The following TENM1 variants were observed in gnomAD, a reference collection of about 807,000 sequenced individuals.
TENM1 encodes teneurin transmembrane protein 1.
Under a neutral mutation model 174.8 loss-of-function variants are expected in TENM1, and 35 were observed. The observed-to-expected ratio is 0.20, with a 90% confidence interval of 0.15 to 0.27. The LOEUF (loss-of-function observed/expected upper bound fraction) is 0.27, where lower values mean the gene tolerates loss of function less well. Ranked by LOEUF, TENM1 falls within the 10% of genes least tolerant of loss-of-function variation. The pLI is 1.00. For synonymous variants in TENM1, 781 were observed against 798.7 expected (o/e 0.98, Z 0.37); for missense variants, 1,633 against 2,130.1 (o/e 0.77, Z 4.59).
chrX:125,180,984 G>A, the TENM1 span, among the ~76,000 whole-genome samples: 4 of 111,541 alleles, frequency 3.6e-5, no homozygotes, highest in Non-Finnish European at 7.5e-5. Context: ...CCTCCTCCAC[G>A]AAGCGTTTCC....
At chrX:124,573,338 T>C (rs772575407) in intron 11 of TENM1, among the ~76,000 whole-genome samples, 15 of 111,811 alleles carry the variant, frequency 1.3e-4, no homozygotes, top group Non-Finnish European at 2.4e-4. Context: ...TGACAATGAA[T>C]AGACTGAGGA....
intron 3 of TENM1, among the ~76,000 whole-genome samples, chrX:124,760,168 A>G (rs974332131): frequency 4.5e-5 from 5 of 111,621 alleles, no homozygotes; most frequent in African/African-American, 1.6e-4. Flanking sequence ...TGTGAAGTGG[A>G]GGGCCTGTTA....
chrX:124,513,340 C>G (rs186191697), intron 18 of TENM1, among the ~76,000 whole-genome samples: 186 of 111,490 alleles, frequency 1.7e-3, no homozygotes, highest in African/African-American at 5.7e-3. Context: ...TAACTCTGAC[C>G]TCCCCTTCCA....
intron 3 of TENM1, among the ~76,000 whole-genome samples, chrX:124,823,696 A>C (rs1206348465): frequency 1.8e-5 from 2 of 111,075 alleles, no homozygotes; most frequent in Non-Finnish European, 3.8e-5. Context: ...TAGGTTTCAC[A>C]CACAAATTTA....
intron 3 of TENM1, among the ~76,000 whole-genome samples, chrX:124,739,299 AATAAAAGT>A (rs1245459914): frequency 1.8e-5 from 2 of 112,102 alleles, no homozygotes; most frequent in African/African-American, 3.2e-5. Flanking sequence ...TATTGAATGT[AATAAAAGT>A]ATAAAAGTAT....
chrX:125,198,913 T>C, the TENM1 span, among the ~76,000 whole-genome samples: 1 of 110,551 alleles, frequency 9.0e-6, no homozygotes, highest in East Asian at 2.8e-4. Flanking sequence ...GAATTGAATT[T>C]AAAGTTTTTA....
chrX:124,731,695 G>C (rs920388528), intron 4 of TENM1, among the ~76,000 whole-genome samples: 4 of 111,990 alleles, frequency 3.6e-5, no homozygotes, highest in African/African-American at 1.3e-4. Context: ...AAGAAAGCAA[G>C]CAGTATAAAT....
At chrX:124,655,921 CTT>C (rs1205736268) in intron 6 of TENM1, among the ~76,000 whole-genome samples, 1 of 111,851 alleles carries the variant, frequency 8.9e-6, no homozygotes, top group Admixed American at 9.5e-5. Flanking sequence ...ACATTTAACT[CTT>C]AAGTCCTAGA....
the TENM1 span, among the ~76,000 whole-genome samples, chrX:125,100,479 A>C: frequency 0.071 from 7,918 of 111,982 alleles, 221 homozygotes; most frequent in Middle Eastern, 0.16. Context: ...CAAAGCTCCA[A>C]TATCTAGTCA....
chrX:125,142,447 C>A, the TENM1 span, among the ~76,000 whole-genome samples: 1 of 111,272 alleles, frequency 9.0e-6, no homozygotes, highest in Non-Finnish European at 1.9e-5. Context: ...GACAAGGAGG[C>A]CTAGCAGAAG....
chrX:124,868,331 T>C (rs985848280), intron 3 of TENM1, among the ~76,000 whole-genome samples: 3 of 111,192 alleles, frequency 2.7e-5, no homozygotes, highest in Non-Finnish European at 5.7e-5. Flanking sequence ...TCCACACACC[T>C]ACAGTAAACT....
At chrX:124,487,291 T>C (rs1163343495) in intron 20 of TENM1, 62 bp from the exon 24 acceptor site, 26 of 1,041,770 alleles carry the variant, frequency 2.5e-5, no homozygotes, top group East Asian at 2.3e-4. Context: ...ATCAGTATCA[T>C]TGAACATGCC....
intron 5 of TENM1, among the ~76,000 whole-genome samples, chrX:124,678,396 A>G (rs2052146909): frequency 9.0e-6 from 1 of 111,406 alleles, no homozygotes; most frequent in African/African-American, 3.2e-5. Context: ...CAAACTATTG[A>G]TGTTTAGAGT....
chrX:125,022,427 A>G, the TENM1 span, among the ~76,000 whole-genome samples: 1 of 111,789 alleles, frequency 8.9e-6, no homozygotes, highest in African/African-American at 3.2e-5. Flanking sequence ...AACAATATAA[A>G]AACTTTCAGG....
chrX:125,020,492 GT>G, the TENM1 span, among the ~76,000 whole-genome samples: 6 of 104,353 alleles, frequency 5.7e-5, no homozygotes, highest in South Asian at 4.2e-4. Flanking sequence ...TTTCCTGGAT[GT>G]TTTTTTTTTC....
intron 3 of TENM1, among the ~76,000 whole-genome samples, chrX:124,882,210 A>G (rs1242515222): frequency 1.8e-5 from 2 of 112,355 alleles, no homozygotes; most frequent in East Asian, 2.8e-4. Flanking sequence ...CCACTGTAGT[A>G]TAAGAAGATA....
In TENM1 at chrX:124,756,389, G is replaced by A. The variant is rs57393372; in HGVS notation, c.536-19192C>T. ...TATTGGTTATTCTAGTTATACATTCGTCTAAATTTTTTTCAAAGTTTTTAA... is the reference window on the plus strand; with the variant it reads ...TATTGGTTATTCTAGTTATACATTCATCTAAATTTTTTTCAAAGTTTTTAA... On this transcript the variant is annotated intron_variant, in intron 3 of 31. Transcript: ENST00000422452. 3.7e-3 allele frequency among the ~76,000 whole-genome samples: 362 copies of A among 97,937 alleles called. 11 individuals are homozygous for A. The highest frequency in any genetic ancestry group is 0.015 in the African/African-American group (330 of 22,159). The allele number at this position is 97,937 out of a possible 115,157, so 85.0% of individuals were successfully genotyped here. A position where few individuals can be genotyped will look rare whatever the true frequency, so the allele number is the denominator to read the frequency against.
chrX:125,032,539 C>G, the TENM1 span, among the ~76,000 whole-genome samples: 1 of 110,986 alleles, frequency 9.0e-6, no homozygotes, highest in African/African-American at 3.3e-5. Flanking sequence ...TATACAAAAG[C>G]CTTTGGAAGT....
intron 4 of TENM1, among the ~76,000 whole-genome samples, chrX:124,735,542 A>G (rs2053650841): frequency 8.9e-6 from 1 of 112,092 alleles, no homozygotes; most frequent in African/African-American, 3.2e-5. Flanking sequence ...CAGTATGGCG[A>G]TTTTTAATAG....
Sources: gnomAD v4.1 joint callset for allele counts (sites outside exome capture counted in the v4.1 genomes callset) on GRCh38, gnomAD v4.1.1 for gene constraint, MANE v1.5 for transcripts, NCBI Gene and HGNC (gene_info 2026-07-23, HGNC 2026-07-21) for gene names.